Variants in TGDS observed in about 807,000 individuals in gnomAD.
The protein encoded by TGDS is TDP-glucose 4,6-dehydratase.
TGDS carries 47 observed loss-of-function variants against 52.3 expected under a neutral mutation model. The ratio of observed to expected loss-of-function variants is 0.90; its 90% CI spans 0.71 to 1.15. TGDS has a LOEUF of 1.15. TGDS is among the 50% of genes most tolerant of loss of function. The pLI, the probability that TGDS is intolerant of heterozygous loss-of-function variation, is 0.00. For missense variants in TGDS, 375 were observed against 418.4 expected (o/e 0.90, Z 0.90); for synonymous variants, 115 against 136.9 (o/e 0.84, Z 1.12).
Position 94,577,425 on chromosome 13 carries a change from T to C in TGDS, c.830A>G (p.Lys277Arg). 1 of 1,569,460 alleles carries C rather than the reference T, an allele frequency of 6.4e-7. No individual in the cohort carries two copies. The highest frequency in any genetic ancestry group is 8.6e-7 in the Non-Finnish European group (1 of 1,163,352). ...CATTTCAGACTCTGAATTGGTCTCTTTGATCTGTCAAAATGGAAAAAGCTT... is the reference window on the plus strand; with the variant it reads ...CATTTCAGACTCTGAATTGGTCTCTCTGATCTGTCAAAATGGAAAAAGCTT... ...QLAKELIQLI[K>R]ETNSESEMEN... The change falls in exon 10 of 12, where the codon AAA becomes AGA. Residue 277 changes from lysine to arginine, a missense_variant. Transcript: ENST00000261296.
rs1479684255 is a variant in TGDS at position 94,590,887 on chromosome 13, A to G, written c.279T>C (p.Asp93=). The G allele has an allele frequency of 5.1e-6, 8 of 1,576,954 alleles. No individual in the cohort carries two copies. Among genetic ancestry groups the G allele is most frequent in the Non-Finnish European group, 6.8e-6 (8 of 1,168,816 alleles). The stretch of plus-strand genomic sequence containing the variant: ...TTTGTGCGGCAAAATGTAGTACTAT[A>G]TCTATTTTCTCTGTTTCAAAAAGCA... ...VKLLFETEKI[D]IVLHFAAQTH... is the part of the protein sequence containing the mutation. Residue 93 remains aspartate, a synonymous_variant, in exon 4 of 12, where the codon GAT becomes GAC. Transcript: ENST00000261296.
At chr13:94,582,639 G>C (rs1353935904) in intron 5 of TGDS, among the ~76,000 whole-genome samples, 2 of 152,184 alleles carry the variant, frequency 1.3e-5, no homozygotes, top group African/African-American at 2.4e-5. Context: ...ATTAACATTT[G>C]AGTTAGTGGG....
At chr13:94,581,066 A>C (rs767191162) in intron 6 of TGDS, 25 bp downstream of exon 6, 172 of 1,321,176 alleles carry the variant, frequency 1.3e-4, no homozygotes, top group Non-Finnish European at 1.7e-4. Context: ...AAAATGTTTC[A>C]AGAGTTTCTG....
chr13:94,588,474 T>C (rs563275670), intron 4 of TGDS, among the ~76,000 whole-genome samples: 24 of 99,182 alleles, frequency 2.4e-4, no homozygotes, highest in East Asian at 8.3e-4. Flanking sequence ...CAAAGCAGAC[T>C]GAAAAAAAGG....
chr13:94,591,492 C>G (rs1364506610), intron 3 of TGDS, among the ~76,000 whole-genome samples: 1 of 152,116 alleles, frequency 6.6e-6, no homozygotes, highest in Non-Finnish European at 1.5e-5. Context: ...AGTCGGGAGG[C>G]TGAAGCAGGA....
intron 6 of TGDS, among the ~76,000 whole-genome samples, chr13:94,580,743 A>G (rs1367023049): frequency 1.3e-5 from 2 of 152,288 alleles, no homozygotes; most frequent in Non-Finnish European, 2.9e-5. Context: ...CTGAATACGA[A>G]GAGGTCGGCC....
intron 4 of TGDS, among the ~76,000 whole-genome samples, chr13:94,585,025 T>C (rs1409771080): frequency 6.6e-6 from 1 of 152,086 alleles, no homozygotes; most frequent in Non-Finnish European, 1.5e-5. Context: ...TCCATAACAA[T>C]TAAATCTCAA....
chr13:94,590,986 G>A (rs1356002438), intron 3 of TGDS, 43 bp from the exon 4 acceptor site: 5 of 1,389,128 alleles, frequency 3.6e-6, no homozygotes, highest in Non-Finnish European at 4.9e-6. Flanking sequence ...GTTTCATACA[G>A]CACTCTCATT....
rs541221793 is a variant in TGDS at position 94,588,811 on chromosome 13, T to C, written c.313+2042A>G. ...GAAATCATTGTATTCGTCAATATAG[T>C]GCGTAATCAGACAGGCAGAGACAAA... is the stretch of plus-strand genomic sequence containing the variant. On this transcript the variant is annotated intron_variant, in intron 4 of 11. Transcript: ENST00000261296. Among the ~76,000 whole-genome samples the C allele has an allele frequency of 5.3e-5, 8 of 152,272 alleles. No homozygotes were observed. The East Asian group carries it at 1.5e-3, about 29-fold the overall frequency.
intron 4 of TGDS, among the ~76,000 whole-genome samples, chr13:94,589,876 T>C (rs904709918): frequency 6.6e-6 from 1 of 152,134 alleles, no homozygotes; most frequent in Non-Finnish European, 1.5e-5. Context: ...TGACATTATC[T>C]CAACGTGAAG....
At position 94,587,147 on chromosome 13, in the gene TGDS, TTA is replaced by T. The variant is rs531300534; in HGVS notation, c.313+3704_313+3705del. Among the ~76,000 whole-genome samples the T allele has an allele frequency of 5.0e-3, 739 of 146,796 alleles. 7 individuals carry two copies. Among genetic ancestry groups the T allele is most frequent in the African/African-American group, 0.018 (701 of 39,234 alleles). The stretch of plus-strand genomic sequence containing the variant: ...GATAAACCAGTATTTAGAAGTAAAT[TTA>T]TAGTCTAAAATGCATACATTAGAGA... On this transcript the variant is annotated intron_variant, in intron 4 of 11. Coordinates refer to ENST00000261296, the MANE Select transcript of TGDS (RefSeq NM_014305.4).
intron 7 of TGDS, 95 bp from the exon 8 acceptor site, chr13:94,578,868 G>C (rs1197764140): frequency 1.4e-6 from 1 of 691,490 alleles, no homozygotes; most frequent in East Asian, 2.9e-5. Context: ...TAAGAAATAT[G>C]CATATGGATT....
intron 4 of TGDS, among the ~76,000 whole-genome samples, chr13:94,586,668 A>G (rs1439072569): frequency 1.3e-5 from 2 of 152,144 alleles, no homozygotes; most frequent in African/African-American, 2.4e-5. Flanking sequence ...CTAGAATTCC[A>G]TAAGAACAAG....
chr13:94,589,471 C>T (rs966220922), intron 4 of TGDS, among the ~76,000 whole-genome samples: 7 of 152,040 alleles, frequency 4.6e-5, no homozygotes, highest in Admixed American at 6.5e-5. Flanking sequence ...CCTGTCACCA[C>T]GCCCGGCTAA....
chr13:94,576,038 G>A (rs1431642742), intron 11 of TGDS, among the ~76,000 whole-genome samples: 1 of 152,138 alleles, frequency 6.6e-6, no homozygotes, highest in South Asian at 2.1e-4. Flanking sequence ...TTTTAGGAGT[G>A]TGAAGAAAGT....
chr13:94,575,356 C>T (rs368232507), intron 11 of TGDS, among the ~76,000 whole-genome samples: 66 of 143,552 alleles, frequency 4.6e-4, no homozygotes, highest in African/African-American at 1.5e-3. Flanking sequence ...GTGGTGCAAT[C>T]GTAGTTCACT....
chr13:94,592,363 C>CA, intron 2 of TGDS, 54 bp from the exon 3 acceptor site: 1 of 1,340,980 alleles, frequency 7.5e-7, no homozygotes, highest in Non-Finnish European at 1.0e-6. Context: ...TTAGCTTTTC[C>CA]AATCAAATAC....
At position 94,574,576 on chromosome 13, in the gene TGDS, A is replaced by C. The variant is rs557088654; in HGVS notation, c.*206T>G. 31 of 499,866 alleles carry C rather than the reference A, an allele frequency of 6.2e-5. No individual in the cohort carries two copies. The South Asian group carries it at 9.7e-4, about 16-fold the overall frequency. 31.0% of individuals were successfully genotyped at this position (499,866 alleles called of 1,614,324 possible). On this transcript the variant is annotated 3_prime_UTR_variant, in exon 12 of 12. Coordinates refer to ENST00000261296, the MANE Select transcript of TGDS (RefSeq NM_014305.4). ...CCTAGTTTCTAGGAGAAAGGGTTTC[A>C]GAAAGAATTTTGACATTTAAATTCT...
At chr13:94,579,605 T>C (rs997399924) in intron 7 of TGDS, 6 of 237,390 alleles carry the variant, frequency 2.5e-5, no homozygotes, top group Admixed American at 5.6e-5. Context: ...TATAGTGCTT[T>C]AGAGTCTTTA....
Sources: gnomAD v4.1 joint callset for allele counts (sites outside exome capture counted in the v4.1 genomes callset) on GRCh38, gnomAD v4.1.1 for gene constraint, MANE v1.5 for transcripts, NCBI Gene and HGNC (gene_info 2026-07-23, HGNC 2026-07-21) for gene names.